ESYT2: variants seen among roughly 807,000 people sequenced by gnomAD.
The protein encoded by ESYT2 is extended synaptotagmin-2.
Under a neutral mutation model 107.2 loss-of-function variants are expected in ESYT2, and 54 were observed. The observed-to-expected ratio is 0.50, with a 90% CI of 0.40 to 0.63. The LOEUF is 0.63. Among genes scored for constraint, ESYT2 ranks in the 30% least tolerant of loss-of-function variants. The pLI is 0.00. For missense variants in ESYT2, 1,020 were observed against 1,094.5 expected (o/e 0.93, Z 0.96); for synonymous variants, 491 against 434.1 (o/e 1.13, Z -1.63).
intron 13 of ESYT2, among the ~76,000 whole-genome samples, chr7:158,753,770 C>T (rs1370853297): frequency 6.6e-6 from 1 of 151,726 alleles, no homozygotes; most frequent in East Asian, 1.9e-4. Context: ...CTCAAAAGTC[C>T]CTAGATCCAC....
chr7:158,769,929 A>T (rs1176947395), intron 7 of ESYT2, among the ~76,000 whole-genome samples: 1 of 151,748 alleles, frequency 6.6e-6, no homozygotes, highest in Non-Finnish European at 1.5e-5. Context: ...TTTTTTAATT[A>T]ATTTATTTTT....
At chr7:158,788,695 TAACTA>T (rs1265981575) in intron 4 of ESYT2, among the ~76,000 whole-genome samples, 2 of 152,232 alleles carry the variant, frequency 1.3e-5, no homozygotes, top group Admixed American at 6.5e-5. Flanking sequence ...ATAAAACACT[TAACTA>T]AATATAAATG....
intron 1 of ESYT2, among the ~76,000 whole-genome samples, chr7:158,814,001 G>A (rs1384311888): frequency 6.6e-6 from 1 of 151,680 alleles, no homozygotes; most frequent in African/African-American, 2.4e-5. Context: ...CAGGCCAGAC[G>A]CGGTGGCTAA....
chr7:158,740,727 C>T (rs540741619), intron 18 of ESYT2, among the ~76,000 whole-genome samples: 54 of 152,296 alleles, frequency 3.5e-4, no homozygotes, highest in African/African-American at 1.2e-3. Context: ...ATGTTTTCTT[C>T]TTTCCAAAAT....
chr7:158,787,348 G>A (rs955325849), intron 6 of ESYT2, among the ~76,000 whole-genome samples: 2 of 152,222 alleles, frequency 1.3e-5, no homozygotes, highest in South Asian at 2.1e-4. Context: ...GGAGTCTAAC[G>A]CAAATATTAC....
chr7:158,743,394 G>A (rs549163818), intron 17 of ESYT2, 135 bp downstream of exon 17: 12 of 1,104,402 alleles, frequency 1.1e-5, no homozygotes, highest in South Asian at 4.8e-5. Flanking sequence ...TCCCTGCACC[G>A]GCGCCCTCCT....
intron 3 of ESYT2, among the ~76,000 whole-genome samples, chr7:158,797,710 C>T (rs994933333): frequency 3.3e-5 from 5 of 151,728 alleles, no homozygotes; most frequent in African/African-American, 9.7e-5. Context: ...AAAAATTAGC[C>T]GGGCGTGGTG....
chr7:158,828,844 T>A (rs1009380434), intron 1 of ESYT2, among the ~76,000 whole-genome samples: 1 of 147,572 alleles, frequency 6.8e-6, no homozygotes, highest in Admixed American at 6.7e-5. Context: ...GGGTCTGCAC[T>A]CACCTAGGTT....
intron 13 of ESYT2, among the ~76,000 whole-genome samples, chr7:158,757,773 T>G (rs1837817122): frequency 6.6e-6 from 1 of 151,752 alleles, no homozygotes; most frequent in African/African-American, 2.4e-5. Context: ...TTTTTGTTTT[T>G]TGTTTTTTTT....
At chr7:158,820,361 G>A (rs996906229) in intron 1 of ESYT2, among the ~76,000 whole-genome samples, 2 of 152,154 alleles carry the variant, frequency 1.3e-5, no homozygotes, top group Admixed American at 6.5e-5. Context: ...AGATTTTCTA[G>A]TGTTCCACCA....
chr7:158,809,474 C>CAAAAAAAA (rs67422901), intron 1 of ESYT2, among the ~76,000 whole-genome samples: 1,498 of 49,698 alleles, frequency 0.03, 81 homozygotes, highest in Non-Finnish European at 0.042. Flanking sequence ...GAATCCATCT[C>CAAAAAAAA]AAAAAAAAAA....
chr7:158,821,891 TCCC>T (rs1347667962), intron 1 of ESYT2, among the ~76,000 whole-genome samples: 1 of 152,246 alleles, frequency 6.6e-6, no homozygotes, highest in East Asian at 1.9e-4. Flanking sequence ...TAGAATCTCT[TCCC>T]TAGCATGTCC....
At chr7:158,755,571 A>C (rs111715908) in intron 13 of ESYT2, among the ~76,000 whole-genome samples, 13 of 152,288 alleles carry the variant, frequency 8.5e-5, no homozygotes, top group African/African-American at 3.1e-4. Context: ...TCTATGATGA[A>C]ATTTTCTGCA....
intron 1 of ESYT2, among the ~76,000 whole-genome samples, chr7:158,826,445 A>C (rs1419930806): frequency 6.6e-6 from 1 of 152,188 alleles, no homozygotes; most frequent in African/African-American, 2.4e-5. Context: ...TGAGGTGAAC[A>C]CCACAGTTCA....
intron 19 of ESYT2, among the ~76,000 whole-genome samples, chr7:158,738,472 G>A (rs1202071380): frequency 1.3e-5 from 2 of 148,552 alleles, no homozygotes; most frequent in African/African-American, 5.0e-5. Context: ...TTTTCTTTTT[G>A]AGACAAAGTT....
chr7:158,748,039 G>T (rs184303817), intron 16 of ESYT2, among the ~76,000 whole-genome samples, 155 bp downstream of exon 16: 118 of 152,336 alleles, frequency 7.7e-4, no homozygotes, highest in African/African-American at 2.8e-3. Context: ...TTTGCCTGGG[G>T]CTAGGGGAGG....
At chr7:158,781,461 CAA>C (rs1261554964) in intron 6 of ESYT2, among the ~76,000 whole-genome samples, 19 of 146,130 alleles carry the variant, frequency 1.3e-4, no homozygotes, top group East Asian at 4.2e-4. Flanking sequence ...ATTGTGAGAA[CAA>C]AGTGTGAGAG....
At chr7:158,810,620 T>G (rs1381580893) in intron 1 of ESYT2, among the ~76,000 whole-genome samples, 2 of 151,780 alleles carry the variant, frequency 1.3e-5, no homozygotes, top group African/African-American at 4.8e-5. Context: ...AGGTGGAGGC[T>G]GCAATGGGCC....
intron 1 of ESYT2, among the ~76,000 whole-genome samples, chr7:158,818,333 T>C (rs1400571847): frequency 6.6e-6 from 1 of 152,224 alleles, no homozygotes; most frequent in African/African-American, 2.4e-5. Flanking sequence ...GGAGTGCCAC[T>C]GTAGGCTCCT....
Sources: allele counts gnomAD v4.1 joint callset (sites outside exome capture counted in the v4.1 genomes callset), GRCh38; gene constraint gnomAD v4.1.1; transcripts MANE v1.5; gene names NCBI Gene and HGNC (gene_info 2026-07-23, HGNC 2026-07-21).